PRKCZ: variants seen among roughly 807,000 people sequenced by gnomAD.
The protein encoded by PRKCZ is protein kinase C zeta type.
Under a neutral mutation model 79.5 loss-of-function variants are expected in PRKCZ, and 33 were observed. That is an observed-to-expected ratio of 0.41 (90% CI 0.31 to 0.55). The LOEUF is 0.55. Among genes scored for constraint, PRKCZ ranks in the 20% least tolerant of loss-of-function variants. The pLI is 0.19. For missense variants in PRKCZ, 578 were observed against 813.5 expected (o/e 0.71, Z 3.52); for synonymous variants, 342 against 320.9 (o/e 1.07, Z -0.70).
chr1:2,172,010 C>G lies in PRKCZ; in HGVS notation c.1062-45C>G, dbSNP rs374691933. On this transcript the variant is annotated intron_variant, in intron 11 of 17. Transcript: ENST00000378567. This position sits in a 1 kb window ranked among gnomAD's most constrained non-coding sequence, Gnocchi z 7.8. ...CCCCAGGCTGGAGCTGTTGGCGCAG[C>G]CTCTGGCACAGGCACTGCCCCCATG... The G allele has an allele frequency of 6.5e-7, 1 of 1,547,886 alleles. No homozygotes were observed. Among genetic ancestry groups the G allele is most frequent in the Admixed American group, 1.9e-5 (1 of 52,338 alleles).
At chr1:2,136,458 G>A (rs1397087236) in intron 5 of PRKCZ, among the ~76,000 whole-genome samples, 1 of 152,176 alleles carries the variant, frequency 6.6e-6, no homozygotes, top group Non-Finnish European at 1.5e-5. Flanking sequence ...TCCTGGAGGA[G>A]GAGGCATCTG....
chr1:2,135,037 A>G, intron 4 of PRKCZ: 1 of 452,540 alleles, frequency 2.2e-6, no homozygotes, highest in Non-Finnish European at 4.0e-6. Flanking sequence ...CTCCATCCAC[A>G]CCTGGGCCTC....
intron 4 of PRKCZ, among the ~76,000 whole-genome samples, chr1:2,068,767 C>T (rs1319998799): frequency 6.6e-6 from 1 of 152,200 alleles, no homozygotes; most frequent in Non-Finnish European, 1.5e-5. Context: ...TGCTCTCTGC[C>T]CAGGCCCCCG....
At chr1:2,124,928 C>A (rs1673579959) in intron 4 of PRKCZ, among the ~76,000 whole-genome samples, 2 of 152,198 alleles carry the variant, frequency 1.3e-5, no homozygotes, top group Admixed American at 6.5e-5. Context: ...GGGTTAGACT[C>A]CTCGCGTGGC....
chr1:2,086,554 C>T (rs1407366508), intron 4 of PRKCZ, among the ~76,000 whole-genome samples: 6 of 152,204 alleles, frequency 3.9e-5, no homozygotes, highest in Non-Finnish European at 8.8e-5. Flanking sequence ...CAGGCTCTGG[C>T]ATCCCCTCGG....
chr1:2,169,492 A>C, intron 10 of PRKCZ, 26 bp from the exon 11 acceptor site: 1 of 1,543,642 alleles, frequency 6.5e-7, no homozygotes, highest in South Asian at 1.2e-5. Context: ...AGGTGACTGC[A>C]GCCTCCGGCG....
chr1:2,120,382 C>G (rs985471106), intron 4 of PRKCZ, among the ~76,000 whole-genome samples: 3 of 127,246 alleles, frequency 2.4e-5, no homozygotes, highest in African/African-American at 8.7e-5. Context: ...TCACTGCAAT[C>G]TCCACCTCCC....
chr1:2,180,818 C>T (rs1686462106), intron 16 of PRKCZ, among the ~76,000 whole-genome samples: 1 of 152,172 alleles, frequency 6.6e-6, no homozygotes, highest in Admixed American at 6.5e-5. Flanking sequence ...GGCACTACCT[C>T]CTGGGCCCAG....
intron 1 of PRKCZ, 101 bp downstream of exon 1, chr1:2,050,802 C>A: frequency 1.3e-6 from 1 of 785,914 alleles, no homozygotes; most frequent in Non-Finnish European, 1.7e-6. Context: ...AGGGAAGGGG[C>A]GGCGAGGTCG....
chr1:2,157,474 G>A (rs957123438), intron 10 of PRKCZ, among the ~76,000 whole-genome samples: 2 of 152,008 alleles, frequency 1.3e-5, no homozygotes, highest in Non-Finnish European at 2.9e-5. Flanking sequence ...CTGGAGTGCA[G>A]TGGCAACATC....
At chr1:2,087,841 A>ACT (rs1168146454) in intron 4 of PRKCZ, among the ~76,000 whole-genome samples, 1 of 152,204 alleles carries the variant, frequency 6.6e-6, no homozygotes, top group Admixed American at 6.5e-5. Flanking sequence ...GAGGAGGACC[A>ACT]GCGTCTGGCC....
intron 4 of PRKCZ, among the ~76,000 whole-genome samples, chr1:2,104,346 T>C (rs1045323742): frequency 2.0e-5 from 3 of 152,156 alleles, no homozygotes; most frequent in Admixed American, 2.0e-4. Flanking sequence ...CCCCACGGGC[T>C]GAGGGAAGGT....
At chr1:2,061,711 C>T (rs1557479893) in intron 4 of PRKCZ, among the ~76,000 whole-genome samples, 1 of 152,204 alleles carries the variant, frequency 6.6e-6, no homozygotes, top group East Asian at 1.9e-4. Context: ...TCCACCCGGA[C>T]GTGGGTTGGG....
chr1:2,143,894 C>G (rs1019248984), intron 5 of PRKCZ: 3 of 278,830 alleles, frequency 1.1e-5, no homozygotes, highest in Non-Finnish European at 2.1e-5. Flanking sequence ...CCCCCCAGCC[C>G]CTGCAAGCCA....
In PRKCZ at chr1:2,142,303, A is replaced by T. The variant is rs551766141; in HGVS notation, c.421-1907A>T. ...TCCAGCAGCCGAAGCGCCTCCTTTC[A>T]CTCTAGGGTCCAGGCATCCAGCAGC... On this transcript the variant is annotated intron_variant, in intron 5 of 17. Coordinates refer to ENST00000378567, the MANE Select transcript of PRKCZ (RefSeq NM_002744.6). The T allele has an allele frequency of 4.6e-3, 1,003 of 218,670 alleles. 6 individuals carry two copies. Among genetic ancestry groups the T allele is most frequent in the Non-Finnish European group, 6.9e-3 (760 of 110,476 alleles). 13.5% of individuals were successfully genotyped at this position (218,670 alleles called of 1,614,324 possible).
In PRKCZ at chr1:2,143,957, C is replaced by T. The variant is rs182374353; in HGVS notation, c.421-253C>T. 1.4e-3 allele frequency: 659 copies of T among 455,962 alleles called. 3 individuals are homozygous for T. The highest frequency in any genetic ancestry group is 6.3e-3 in the African/African-American group (319 of 50,636). 28.2% of individuals were successfully genotyped at this position (455,962 alleles called of 1,614,324 possible). A position where few individuals can be genotyped will look rare whatever the true frequency, so the allele number is the denominator to read the frequency against. On this transcript the variant is annotated intron_variant, in intron 5 of 17. Transcript: ENST00000378567. Reference sequence around the variant, plus strand: ...TCACCCCTGCCCGATGGCACCTCCCCTGTGTCCCCTCATGCAGAGCAGGGT... The same window carrying T: ...TCACCCCTGCCCGATGGCACCTCCCTTGTGTCCCCTCATGCAGAGCAGGGT...
At chr1:2,104,708 G>T (rs1178218638) in intron 4 of PRKCZ, 12 of 985,740 alleles carry the variant, frequency 1.2e-5, no homozygotes, top group Admixed American at 6.1e-5. Flanking sequence ...CCCTGGCGAG[G>T]GGTGGTCAGA....
At position 2,094,607 on chromosome 1, in the gene PRKCZ, CGAT is replaced by C. The variant is rs1170776964; in HGVS notation, c.334+35019_334+35021del. On this transcript the variant is annotated intron_variant, in intron 4 of 17. Coordinates refer to ENST00000378567, the MANE Select transcript of PRKCZ (RefSeq NM_002744.6). The surrounding 1 kb of genome is among the most constrained non-coding windows in gnomAD (Gnocchi z 7.3). ...TCTGAGGCGCCCGCTGTGCCCGGCTCGATGAACCTTGGGCGCTGCCCGTTCTGA... is the reference window on the plus strand; with the variant it reads ...TCTGAGGCGCCCGCTGTGCCCGGCTCGAACCTTGGGCGCTGCCCGTTCTGA... Among the ~76,000 whole-genome samples the C allele has an allele frequency of 1.1e-5, 1 of 92,260 alleles. No individual in the cohort carries two copies. Among genetic ancestry groups the C allele is most frequent in the Non-Finnish European group, 1.9e-5 (1 of 52,136 alleles). 60.5% of individuals were successfully genotyped at this position (92,260 alleles called of 152,430 possible).
intron 10 of PRKCZ, among the ~76,000 whole-genome samples, chr1:2,158,324 C>G (rs1391713842): frequency 6.6e-6 from 1 of 152,208 alleles, no homozygotes; most frequent in Non-Finnish European, 1.5e-5. Flanking sequence ...GATTCCTCCT[C>G]CCCAGTTGCT....
Sources: allele counts gnomAD v4.1 joint callset (sites outside exome capture counted in the v4.1 genomes callset), GRCh38; gene constraint gnomAD v4.1.1; non-coding constraint Gnocchi (gnomAD v3.1); transcripts MANE v1.5; gene names NCBI Gene and HGNC (gene_info 2026-07-23, HGNC 2026-07-21).